Variants in CRISPLD2 observed in about 807,000 individuals in gnomAD.
CRISPLD2 encodes the protein cysteine rich secretory protein LCCL domain containing 2.
In CRISPLD2, 47 loss-of-function variants were observed where a neutral mutation model predicts 71.1. The ratio of observed to expected loss-of-function variants is 0.66; its 90% confidence interval spans 0.52 to 0.84. CRISPLD2 has a LOEUF of 0.84. Ranked by LOEUF, CRISPLD2 falls within the 40% of genes least tolerant of loss-of-function variation. The pLI is 0.00. For missense variants in CRISPLD2, 830 were observed against 651.1 expected (o/e 1.27, Z -2.99); for synonymous variants, 317 against 250.1 (o/e 1.27, Z -2.52).
chr16:84,881,893 A>G (rs936197526), intron 13 of CRISPLD2, among the ~76,000 whole-genome samples: 2 of 152,126 alleles, frequency 1.3e-5, no homozygotes, highest in African/African-American at 4.8e-5. Context: ...TCCTGTAAAT[A>G]TGAGGTCACT....
intron 1 of CRISPLD2, among the ~76,000 whole-genome samples, chr16:84,823,730 G>T (rs1030592509): frequency 2.0e-5 from 3 of 152,182 alleles, no homozygotes; most frequent in African/African-American, 7.2e-5. Flanking sequence ...TGATTGTCTT[G>T]AGTGCTGCAT....
chr16:84,868,780 C>CA, intron 7 of CRISPLD2, 71 bp from the exon 8 acceptor site: 2 of 1,217,826 alleles, frequency 1.6e-6, no homozygotes, highest in Non-Finnish European at 1.2e-6. Context: ...GAATGTCCCT[C>CA]AGCATGGGGA....
chr16:84,830,042 G>C (rs896470842), intron 1 of CRISPLD2, among the ~76,000 whole-genome samples: 1 of 152,202 alleles, frequency 6.6e-6, no homozygotes, highest in Non-Finnish European at 1.5e-5. Flanking sequence ...ACATTTTCAG[G>C]GCCAGCGTAG....
chr16:84,885,777 C>G (rs2071607226), intron 13 of CRISPLD2, among the ~76,000 whole-genome samples: 1 of 142,260 alleles, frequency 7.0e-6, no homozygotes, highest in Admixed American at 7.0e-5. Flanking sequence ...TCTGAATAGG[C>G]TTATGATTGT....
chr16:84,850,695 T>A lies in CRISPLD2; in HGVS notation c.608+12T>A. 6.2e-7 allele frequency: 1 copy of A among 1,604,868 alleles called. No individual in the cohort carries two copies. The highest frequency in any genetic ancestry group is 8.5e-7 in the Non-Finnish European group (1 of 1,171,528). ...AATTATTCTCCAAAGTAAGACAAGT[T>A]GATGCCGTTGTATGGGGTGGGGGTT... On this transcript the variant is annotated intron_variant, in intron 5 of 14. Coordinates refer to ENST00000262424, the MANE Select transcript of CRISPLD2 (RefSeq NM_031476.4).
At chr16:84,852,991 C>G (rs911983685) in intron 5 of CRISPLD2, among the ~76,000 whole-genome samples, 1 of 152,074 alleles carries the variant, frequency 6.6e-6, no homozygotes, top group Non-Finnish European at 1.5e-5. Flanking sequence ...TGCTTGAGCC[C>G]AGGAGGTTGA....
In CRISPLD2 at chr16:84,866,110, G is replaced by A. The variant is rs534644758; in HGVS notation, c.710-787G>A. On this transcript the variant is annotated intron_variant, in intron 6 of 14. Coordinates refer to ENST00000262424, the MANE Select transcript of CRISPLD2 (RefSeq NM_031476.4). ...GCAGTTGGGGTCTAGGAGCACTGAG[G>A]CTGGCCTTGTGCACCGTGATGTGTG... Among the ~76,000 whole-genome samples the A allele has an allele frequency of 5.9e-5, 9 of 152,286 alleles. No individual in the cohort carries two copies. In the East Asian group the frequency reaches 1.7e-3, roughly 29 times the overall value.
chr16:84,904,324 C>T (rs1375668199), intron 14 of CRISPLD2, among the ~76,000 whole-genome samples: 2 of 143,398 alleles, frequency 1.4e-5, no homozygotes, highest in African/African-American at 5.3e-5. Context: ...GTGGCTTACG[C>T]CTGAAATCCC....
intron 1 of CRISPLD2, among the ~76,000 whole-genome samples, chr16:84,829,605 TG>T (rs1413292233): frequency 1.3e-5 from 2 of 152,154 alleles, no homozygotes; most frequent in Non-Finnish European, 2.9e-5. Flanking sequence ...CTGTGGACCA[TG>T]GGTCTCAGCT....
rs1917560747 is a variant in CRISPLD2 at position 84,867,045 on chromosome 16, G to A, written c.853+5G>A. On this transcript the variant is annotated splice_donor_5th_base_variant and intron_variant, in intron 7 of 14. Coordinates refer to ENST00000262424, the MANE Select transcript of CRISPLD2 (RefSeq NM_031476.4). ...CCTCTGCGGTCAACTACATGAGTGAGTCTAGGCCGTCCTCCGCCCCTCCTG... is the reference window on the plus strand; with the variant it reads ...CCTCTGCGGTCAACTACATGAGTGAATCTAGGCCGTCCTCCGCCCCTCCTG... 2.5e-6 allele frequency: 4 copies of A among 1,611,958 alleles called. No individual in the cohort carries two copies. Among genetic ancestry groups the A allele is most frequent in the East Asian group, 2.2e-5 (1 of 44,824 alleles).
intron 5 of CRISPLD2, among the ~76,000 whole-genome samples, chr16:84,852,368 T>G (rs1917113656): frequency 6.6e-6 from 1 of 152,032 alleles, no homozygotes; most frequent in Admixed American, 6.5e-5. Context: ...CCCTACAAAG[T>G]GCCCACCATT....
At chr16:84,849,988 A>G (rs1450451671) in intron 4 of CRISPLD2, among the ~76,000 whole-genome samples, 1 of 151,482 alleles carries the variant, frequency 6.6e-6, no homozygotes, top group Non-Finnish European at 1.5e-5. Context: ...AGCTTCCCAA[A>G]GTGTTGGGAT....
chr16:84,906,659 G>C lies in CRISPLD2; in HGVS notation c.*17G>C. 6.2e-7 allele frequency: 1 copy of C among 1,614,114 alleles called. No individual in the cohort carries two copies. On this transcript the variant is annotated 3_prime_UTR_variant, in exon 15 of 15. Transcript: ENST00000262424. ...AGGCAGTGAATTTCCAGCACCAGGG[G>C]AGAAGGGGCGTCTTCAGGAGGGCTT...
At chr16:84,905,808 C>T (rs1435958507) in intron 14 of CRISPLD2, among the ~76,000 whole-genome samples, 1 of 150,288 alleles carries the variant, frequency 6.7e-6, no homozygotes, top group Non-Finnish European at 1.5e-5. Context: ...CTCCCAGGTT[C>T]AAGTGATTCT....
At chr16:84,893,296 T>C (rs1339408269) in intron 14 of CRISPLD2, among the ~76,000 whole-genome samples, 2 of 152,164 alleles carry the variant, frequency 1.3e-5, no homozygotes, top group Non-Finnish European at 2.9e-5. Flanking sequence ...AAGCATGACA[T>C]GAAACCCAGG....
At chr16:84,825,146 AG>A (rs1485799248) in intron 1 of CRISPLD2, among the ~76,000 whole-genome samples, 3 of 152,126 alleles carry the variant, frequency 2.0e-5, no homozygotes, top group African/African-American at 7.2e-5. Context: ...AGTACACAGT[AG>A]GAAGGTGGGC....
At chr16:84,859,526 G>C (rs1279836768) in intron 6 of CRISPLD2, among the ~76,000 whole-genome samples, 2 of 152,160 alleles carry the variant, frequency 1.3e-5, no homozygotes, top group Admixed American at 1.3e-4. Context: ...CTTCCTCAAG[G>C]GGACCTAGCC....
In CRISPLD2 at chr16:84,828,744, CT is replaced by C. The variant is rs547238231; in HGVS notation, c.-75+8620del. 7.9e-3 allele frequency among the ~76,000 whole-genome samples: 1,194 copies of C among 151,390 alleles called. 13 individuals are homozygous for C. Among genetic ancestry groups the C allele is most frequent in the African/African-American group, 0.027 (1,124 of 41,270 alleles). ...CATCGAATGCACCTGCTTTTCAGTT[CT>C]TTTTTTTTCACATAGTGCATTAAAT... On this transcript the variant is annotated intron_variant, in intron 1 of 14. Transcript: ENST00000262424.
At chr16:84,846,189 T>C (rs1916909621) in intron 3 of CRISPLD2, 1 of 273,022 alleles carries the variant, frequency 3.7e-6, no homozygotes, top group Admixed American at 5.2e-5. Flanking sequence ...TTCCTTTCCT[T>C]CCTTCCTTCC....
Sources: allele counts gnomAD v4.1 joint callset (sites outside exome capture counted in the v4.1 genomes callset), GRCh38; gene constraint gnomAD v4.1.1; transcripts MANE v1.5; gene names NCBI Gene and HGNC (gene_info 2026-07-23, HGNC 2026-07-21).